ARL13B: variants seen among roughly 807,000 people sequenced by gnomAD.
The protein encoded by ARL13B is ADP-ribosylation factor-like protein 13B.
In ARL13B, 36 loss-of-function variants were observed where a neutral mutation model predicts 56.1. The observed-to-expected ratio is 0.64, with a 90% CI of 0.49 to 0.85. The LOEUF (loss-of-function observed/expected upper bound fraction) is 0.85. Ranked by LOEUF, ARL13B falls within the 40% of genes least tolerant of loss-of-function variation. The pLI is 0.00. For missense variants in ARL13B, 519 were observed against 507.1 expected (o/e 1.02, Z -0.23); for synonymous variants, 178 against 171.1 (o/e 1.04, Z -0.32).
In ARL13B at chr3:94,053,527, A is replaced by G. The variant is rs986944481; in HGVS notation, c.*264A>G. 5.1e-6 allele frequency: 3 copies of G among 590,444 alleles called. No individual in the cohort carries two copies. In the East Asian group the frequency reaches 1.1e-4, roughly 22 times the overall value. The allele number at this position is 590,444 out of a possible 1,614,324, so 36.6% of individuals were successfully genotyped here. ...CAAGATTTACTGTTGACTCTGGTTT[A>G]TACATCCCCACTCATGAGCATACTT... On this transcript the variant is annotated 3_prime_UTR_variant, in exon 10 of 10. Transcript: ENST00000394222.
At chr3:94,027,953 G>A (rs906081447) in intron 3 of ARL13B, among the ~76,000 whole-genome samples, 6 of 152,158 alleles carry the variant, frequency 3.9e-5, no homozygotes, top group South Asian at 2.1e-4. Flanking sequence ...AAGGTTATAC[G>A]TATGTGTCAA....
chr3:94,003,515 C>T, intron 2 of ARL13B, 144 bp from the exon 3 acceptor site: 3 of 913,716 alleles, frequency 3.3e-6, no homozygotes, highest in Non-Finnish European at 4.9e-6. Context: ...TCTGGCCTGT[C>T]CCCAAACCAG....
intron 3 of ARL13B, among the ~76,000 whole-genome samples, chr3:94,018,710 A>G (rs894456167): frequency 6.6e-6 from 1 of 152,090 alleles, no homozygotes; most frequent in South Asian, 2.1e-4. Context: ...AAACTGCCCC[A>G]TCTCTCTTCT....
chr3:94,023,687 A>C (rs2076497205), intron 3 of ARL13B, among the ~76,000 whole-genome samples: 2 of 152,156 alleles, frequency 1.3e-5, no homozygotes, highest in African/African-American at 4.8e-5. Context: ...AGACATATCT[A>C]CTTGATTGCA....
At chr3:94,000,433 C>A (rs2076035142) in intron 2 of ARL13B, among the ~76,000 whole-genome samples, 1 of 151,988 alleles carries the variant, frequency 6.6e-6, no homozygotes, top group Non-Finnish European at 1.5e-5. Context: ...GATAGTGTTT[C>A]CTAATAGGGA....
chr3:94,001,186 G>C (rs1374642346), intron 2 of ARL13B, among the ~76,000 whole-genome samples: 1 of 152,144 alleles, frequency 6.6e-6, no homozygotes, highest in African/African-American at 2.4e-5. Context: ...AGTTGTACCT[G>C]AACATTTAGT....
chr3:94,003,611 T>G (rs531357888), intron 2 of ARL13B, 48 bp from the exon 3 acceptor site: 2 of 1,596,318 alleles, frequency 1.3e-6, no homozygotes, highest in Admixed American at 3.4e-5. Context: ...ATTAACGTTG[T>G]CAATTAAAGT....
chr3:94,053,668 G>C lies in ARL13B; in HGVS notation c.*405G>C. On this transcript the variant is annotated 3_prime_UTR_variant, in exon 10 of 10. Coordinates refer to ENST00000394222, the MANE Select transcript of ARL13B (RefSeq NM_001174150.2). The stretch of plus-strand genomic sequence containing the variant: ...TTTGTAAGATATATGCACATAGAAG[G>C]GGGACTTCTAGGAATTTATAACCAA... 1 of 337,880 alleles carries C rather than the reference G, an allele frequency of 3.0e-6. No homozygotes were observed. The highest frequency in any genetic ancestry group is 5.8e-6 in the Non-Finnish European group (1 of 172,092). 20.9% of individuals were successfully genotyped at this position (337,880 alleles called of 1,614,324 possible). A position where few individuals can be genotyped will look rare whatever the true frequency, so the allele number is the denominator to read the frequency against.
intron 3 of ARL13B, among the ~76,000 whole-genome samples, chr3:94,029,959 GT>G (rs2076645914): frequency 6.6e-6 from 1 of 152,126 alleles, no homozygotes; most frequent in Non-Finnish European, 1.5e-5. Context: ...GAAAGGAAGG[GT>G]AGATATAAAT....
rs1378981995 is a variant in ARL13B at position 94,003,751 on chromosome 3, G to A, written c.223G>A (p.Gly75Arg). 1 of 1,613,528 alleles carries A rather than the reference G, an allele frequency of 6.2e-7. No individual in the cohort carries two copies. Among genetic ancestry groups the A allele is most frequent in the Non-Finnish European group, 8.5e-7 (1 of 1,179,740 alleles). ...AGTCACCATCTTTGACTTGGGAGGT[G>A]GAATAAGAATTCGGGGAATCTGGAA... ...FEVTIFDLGG[G>R]IRIRGIWKNY... Residue 75 changes from glycine to arginine, a missense_variant, in exon 3 of 10, where the codon GGA (glycine) becomes AGA (arginine). Coordinates refer to ENST00000394222, the MANE Select transcript of ARL13B (RefSeq NM_001174150.2).
At chr3:94,036,414 G>A (rs1310814353) in intron 4 of ARL13B, 138 bp from the exon 5 acceptor site, 2 of 824,586 alleles carry the variant, frequency 2.4e-6, no homozygotes, top group Non-Finnish European at 3.9e-6. Flanking sequence ...CTATGTTTTG[G>A]AAGTTAAATA....
At chr3:94,047,508 CATT>C (rs2077001542) in intron 7 of ARL13B, among the ~76,000 whole-genome samples, 1 of 152,128 alleles carries the variant, frequency 6.6e-6, no homozygotes, top group Admixed American at 6.6e-5. Context: ...TAATAACTAA[CATT>C]ATATTTTATA....
chr3:93,984,592 C>G (rs1710361913), intron 1 of ARL13B, among the ~76,000 whole-genome samples: 1 of 152,102 alleles, frequency 6.6e-6, no homozygotes, highest in South Asian at 2.1e-4. Context: ...TCATTAAAAA[C>G]AAATTTGTGT....
intron 1 of ARL13B, among the ~76,000 whole-genome samples, chr3:93,989,157 G>A (rs1372747581): frequency 6.6e-6 from 1 of 152,068 alleles, no homozygotes; most frequent in Non-Finnish European, 1.5e-5. Flanking sequence ...TGATATATAT[G>A]GATATAATTA....
intron 9 of ARL13B, among the ~76,000 whole-genome samples, chr3:94,052,583 G>C (rs1172286507): frequency 6.6e-6 from 1 of 152,138 alleles, no homozygotes; most frequent in South Asian, 2.1e-4. Context: ...TATGTGCATT[G>C]AGTGGGTAAG....
In ARL13B at chr3:93,989,441, C is replaced by T. The variant is rs75467320; in HGVS notation, c.60-6433C>T. Among the ~76,000 whole-genome samples the T allele has an allele frequency of 1.1e-3, 165 of 152,148 alleles. 3 individuals are homozygous for T. In the East Asian group the frequency reaches 0.031, roughly 28 times the overall value. On this transcript the variant is annotated intron_variant, in intron 1 of 9. Transcript: ENST00000394222. ...GGTTGTGAAGGGCTGAAGGAGTACT[C>T]GGCATGGAAGGAATCCTCGGCATGG... is the stretch of plus-strand genomic sequence containing the variant.
At position 94,053,538 on chromosome 3, in the gene ARL13B, C is replaced by T. The variant is rs1216176663; in HGVS notation, c.*275C>T. 5.2e-6 allele frequency: 3 copies of T among 574,778 alleles called. No individual in the cohort carries two copies. The highest frequency in any genetic ancestry group is 3.0e-5 in the South Asian group (2 of 65,588). The allele number at this position is 574,778 out of a possible 1,614,324, so 35.6% of individuals were successfully genotyped here. ...GTTGACTCTGGTTTATACATCCCCA[C>T]TCATGAGCATACTTCTGAAGGAAAA... On this transcript the variant is annotated 3_prime_UTR_variant, in exon 10 of 10. Transcript: ENST00000394222.
At chr3:94,044,694 G>A (rs138887179) in intron 7 of ARL13B, among the ~76,000 whole-genome samples, 55 of 136,862 alleles carry the variant, frequency 4.0e-4, no homozygotes, top group African/African-American at 1.1e-3. Flanking sequence ...GCTGCCCATC[G>A]TCTGGGAAGT....
At chr3:94,022,787 A>G (rs533936271) in intron 3 of ARL13B, among the ~76,000 whole-genome samples, 115 of 152,222 alleles carry the variant, frequency 7.6e-4, no homozygotes, top group African/African-American at 2.7e-3. Context: ...TTCACAAAGT[A>G]AATACATCCA....
Sources: allele counts gnomAD v4.1 joint callset (sites outside exome capture counted in the v4.1 genomes callset), GRCh38; gene constraint gnomAD v4.1.1; transcripts MANE v1.5; gene names NCBI Gene and HGNC (gene_info 2026-07-23, HGNC 2026-07-21).